EEF1A1: variants seen among roughly 807,000 people sequenced by gnomAD.
EEF1A1 encodes the protein eukaryotic translation elongation factor 1 alpha 1.
Under a neutral mutation model 38.5 loss-of-function variants are expected in EEF1A1, and 1 was observed. The ratio of observed to expected loss-of-function variants is 0.03; its 90% CI spans 0.01 to 0.12. The LOEUF (loss-of-function observed/expected upper bound fraction) is 0.12. EEF1A1 is among the 10% of genes least tolerant of loss of function. EEF1A1 has a pLI of 1.00. For missense variants in EEF1A1, 184 were observed against 588.3 expected (o/e 0.31, Z 7.11); for synonymous variants, 229 against 203.7 (o/e 1.12, Z -1.06).
intron 2 of EEF1A1, 26 bp downstream of exon 2, chr6:73,519,857 C>T (rs2150052035): frequency 6.2e-7 from 1 of 1,611,566 alleles, no homozygotes; most frequent in African/African-American, 1.3e-5. Context: ...TTTAGTTGAT[C>T]TTTCCCTTTC....
Position 73,520,040 on chromosome 6 carries a change from G to T in EEF1A1, c.-14C>A. On this transcript the variant is annotated 5_prime_UTR_variant, in exon 2 of 8. Transcript: ENST00000309268. ...TTCCTTTCCCATTTTGGCTTTTAGG[G>T]GTAGTTTTCACGACACCTGAAATGG... 2 of 1,587,416 alleles carry T rather than the reference G, an allele frequency of 1.3e-6. No individual in the cohort carries two copies.
intron 1 of EEF1A1, chr6:73,520,482 G>C (rs907884896): frequency 6.4e-6 from 1 of 155,298 alleles, no homozygotes; most frequent in African/African-American, 2.4e-5. Flanking sequence ...GCCCAGGGCG[G>C]GGCGATACAC....
At chr6:73,519,854 G>T (rs768629175) in intron 2 of EEF1A1, 29 bp downstream of exon 2, 1 of 1,611,114 alleles carries the variant, frequency 6.2e-7, no homozygotes, top group African/African-American at 1.3e-5. Context: ...CATTTTAGTT[G>T]ATCTTTCCCT....
At chr6:73,518,298 A>T (rs1174668167) in intron 6 of EEF1A1, 34 bp from the exon 7 acceptor site, 1 of 1,610,992 alleles carries the variant, frequency 6.2e-7, no homozygotes, top group South Asian at 1.1e-5. Context: ...GTGCAAATCC[A>T]AAGTCTCAAA....
intron 2 of EEF1A1, 41 bp downstream of exon 2, chr6:73,519,827 ATTCTGCTGGTAAAAC>A: frequency 6.2e-7 from 1 of 1,605,874 alleles, no homozygotes; most frequent in South Asian, 1.1e-5. Context: ...TCACCTAATG[ATTCTGCTGGTAAAAC>A]TCATTTTAGT....
rs577690988 is a variant in EEF1A1 at position 73,518,549 on chromosome 6, G to A, written c.834C>T (p.Val278=). ...ETGVLKPGMV[V]TFAPVNVTTE... is the part of the protein sequence containing the mutation. The stretch of plus-strand genomic sequence containing the variant: ...TTGTAACGTTGACTGGAGCAAAGGT[G>A]ACCACCATACCGGGTTTGAGAACAC... The change falls in exon 6 of 8, where the codon GTC becomes GTT. Residue 278 remains valine, a synonymous_variant. Coordinates refer to ENST00000309268, the MANE Select transcript of EEF1A1 (RefSeq NM_001402.6). 5.0e-6 allele frequency: 8 copies of A among 1,613,864 alleles called. No individual in the cohort carries two copies. The highest frequency in any genetic ancestry group is 1.6e-4 in the Middle Eastern group (1 of 6,062).
chr6:73,518,706 T>C lies in EEF1A1; in HGVS notation c.764A>G (p.Lys255Arg), dbSNP rs749141367. 16 of 1,614,026 alleles carry C rather than the reference T, an allele frequency of 9.9e-6. No individual in the cohort carries two copies. The highest frequency in any genetic ancestry group is 1.4e-5 in the Non-Finnish European group (16 of 1,179,942). Reference sequence around the variant, plus strand: ...GTTTACAGCCAACTTACCACCAATTTTGTAGACATCCTGGAGAGGCAGGCG... The same window carrying C: ...GTTTACAGCCAACTTACCACCAATTCTGTAGACATCCTGGAGAGGCAGGCG... ...PLRLPLQDVY[K>R]IGGIGTVPVG... The change falls in exon 5 of 8, where the codon AAA becomes AGA. Residue 255 changes from lysine to arginine, a missense_variant. Lys to Arg is a conservative substitution (Grantham distance 26). Coordinates refer to ENST00000309268, the MANE Select transcript of EEF1A1 (RefSeq NM_001402.6).
At position 73,517,801 on chromosome 6, in the gene EEF1A1, G is replaced by C. The variant is rs1391862277; in HGVS notation, c.*9C>G. ...TTAAGAGTGGGGTGGCAGGTATTAG[G>C]GATAATATTCATTTAGCCTTCTGAG... On this transcript the variant is annotated 3_prime_UTR_variant, in exon 8 of 8. Coordinates refer to ENST00000309268, the MANE Select transcript of EEF1A1 (RefSeq NM_001402.6). 6.8e-7 allele frequency: 1 copy of C among 1,470,100 alleles called. No homozygotes were observed. Among genetic ancestry groups the C allele is most frequent in the Non-Finnish European group, 9.4e-7 (1 of 1,063,188 alleles). The allele number at this position is 1,470,100 out of a possible 1,614,324, so 91.1% of individuals were successfully genotyped here. A position where few individuals can be genotyped will look rare whatever the true frequency, so the allele number is the denominator to read the frequency against.
At position 73,518,340 on chromosome 6, in the gene EEF1A1, C is replaced by T. The variant is rs774621081; in HGVS notation, c.1029+14G>A. The T allele has an allele frequency of 8.7e-6, 14 of 1,612,464 alleles. No homozygotes were observed. The highest frequency in any genetic ancestry group is 1.1e-5 in the Non-Finnish European group (13 of 1,179,130). On this transcript the variant is annotated intron_variant, in intron 6 of 7. Coordinates refer to ENST00000309268, the MANE Select transcript of EEF1A1 (RefSeq NM_001402.6). ...TAGCCTCTGCAATAAGTTAATGTTACTTTAAATTGTTACCTGAGCAGTGAA... is the reference window on the plus strand; with the variant it reads ...TAGCCTCTGCAATAAGTTAATGTTATTTTAAATTGTTACCTGAGCAGTGAA...
chr6:73,516,051 T>TA lies in EEF1A1; in HGVS notation c.*1758dup, dbSNP rs1491092085. On this transcript the variant is annotated 3_prime_UTR_variant, in exon 8 of 8. Transcript: ENST00000309268. ...GTTTTTTCTGTCATCCAGCAAATCTTAGACTATTTACTTGTGTAAACATTA... is the reference window on the plus strand; with the variant it reads ...GTTTTTTCTGTCATCCAGCAAATCTTAAGACTATTTACTTGTGTAAACATTA... 3.3e-5 allele frequency: 5 copies of TA among 152,206 alleles called. No homozygotes were observed. The highest frequency in any genetic ancestry group is 1.9e-4 in the East Asian group (1 of 5,204). The allele number at this position is 152,206 out of a possible 1,614,324, so 9.4% of individuals were successfully genotyped here.
intron 2 of EEF1A1, 34 bp downstream of exon 2, chr6:73,519,849 T>G: frequency 5.0e-6 from 8 of 1,611,296 alleles, no homozygotes; most frequent in Non-Finnish European, 6.8e-6. Flanking sequence ...AAACTCATTT[T>G]AGTTGATCTT....
chr6:73,516,550 C>G lies in EEF1A1; in HGVS notation c.*1260G>C, dbSNP rs1223302078. ...GGAGGAGATTGCAGTGAGATTTTGC[C>G]ATTGCATTCTAGCCTGGGCAACAAG... On this transcript the variant is annotated 3_prime_UTR_variant, in exon 8 of 8. Coordinates refer to ENST00000309268, the MANE Select transcript of EEF1A1 (RefSeq NM_001402.6). 8 of 151,954 alleles carry G rather than the reference C, an allele frequency of 5.3e-5. No individual in the cohort carries two copies. Among genetic ancestry groups the G allele is most frequent in the Admixed American group, 4.6e-4 (7 of 15,242 alleles). 9.4% of individuals were successfully genotyped at this position (151,954 alleles called of 1,614,324 possible). A position where few individuals can be genotyped will look rare whatever the true frequency, so the allele number is the denominator to read the frequency against.
chr6:73,518,106 A>G lies in EEF1A1; in HGVS notation c.1188T>C (p.Ser396=), dbSNP rs201583180. 1,572 of 1,600,624 alleles carry G rather than the reference A, an allele frequency of 9.8e-4. 5 individuals carry two copies. The African/African-American group carries it at 0.018, about 19-fold the overall frequency. The part of the protein sequence containing the change: ...KLEDGPKFLK[S]GDAAIVDMVP... ...CCATATCAACAATGGCAGCATCACCAGACTTCAAGAATTTAGGGCCATCTT... is the reference window on the plus strand; with the variant it reads ...CCATATCAACAATGGCAGCATCACCGGACTTCAAGAATTTAGGGCCATCTT... Residue 396 remains serine (S), a synonymous_variant, in exon 7 of 8, where the codon TCT becomes TCC. Transcript: ENST00000309268.
At position 73,517,398 on chromosome 6, in the gene EEF1A1, C is replaced by T. The variant is rs1765547727; in HGVS notation, c.*412G>A. On this transcript the variant is annotated 3_prime_UTR_variant, in exon 8 of 8. Coordinates refer to ENST00000309268, the MANE Select transcript of EEF1A1 (RefSeq NM_001402.6). ...TATGTGGGGGGAAAACAACCCTATT[C>T]TCCACCCAGAAGTGTTAACTCAAGA... The T allele has an allele frequency of 2.4e-5, 4 of 167,000 alleles. No individual in the cohort carries two copies. In the South Asian group the frequency reaches 6.4e-4, roughly 27 times the overall value. 10.3% of individuals were successfully genotyped at this position (167,000 alleles called of 1,614,324 possible).
chr6:73,518,014 A>T lies in EEF1A1; in HGVS notation c.1264+16T>A, dbSNP rs1765565038. 6.2e-7 allele frequency: 1 copy of T among 1,606,606 alleles called. No individual in the cohort carries two copies. The highest frequency in any genetic ancestry group is 8.5e-7 in the Non-Finnish European group (1 of 1,175,550). On this transcript the variant is annotated intron_variant, in intron 7 of 7. Transcript: ENST00000309268. ...TCTTTAACACAACTTTTTTACATTT[A>T]AGTAGTCATCCTTACCCAAAGGTGG... is the stretch of plus-strand genomic sequence containing the variant.
chr6:73,519,998 A>G lies in EEF1A1; in HGVS notation c.29T>C (p.Ile10Thr). 3 of 1,600,430 alleles carry G rather than the reference A, an allele frequency of 1.9e-6. No individual in the cohort carries two copies. The highest frequency in any genetic ancestry group is 1.3e-5 in the African/African-American group (1 of 74,914). ...CGAATCTACGTGTCCAATGACGACAATGTTGATATGAGTCTTTTCCTTTCC... is the reference window on the plus strand; with the variant it reads ...CGAATCTACGTGTCCAATGACGACAGTGTTGATATGAGTCTTTTCCTTTCC... MGKEKTHIN[I>T]VVIGHVDSGK... is the part of the protein sequence containing the mutation. The change falls in exon 2 of 8, where the codon ATT becomes ACT. Residue 10 changes from isoleucine to threonine, a missense_variant. By Grantham distance (89) the Ile-to-Thr change is moderately conservative. This residue lies in a region of EEF1A1 where 57 missense variants were observed against 228.1 expected (regional missense o/e 0.25). Coordinates refer to ENST00000309268, the MANE Select transcript of EEF1A1 (RefSeq NM_001402.6).
At position 73,518,522 on chromosome 6, in the gene EEF1A1, C is replaced by T. The variant is rs773353165; in HGVS notation, c.861G>A (p.Thr287=). 87 of 1,613,782 alleles carry T rather than the reference C, an allele frequency of 5.4e-5. No individual in the cohort carries two copies. Among genetic ancestry groups the T allele is most frequent in the Middle Eastern group, 4.9e-4 (3 of 6,084 alleles). Residue 287 remains threonine (T), a synonymous_variant, in exon 6 of 8, where the codon ACG becomes ACA. Coordinates refer to ENST00000309268, the MANE Select transcript of EEF1A1 (RefSeq NM_001402.6). ...VVTFAPVNVT[T]EVKSVEMHHE... ...GGTGCATTTCGACAGATTTTACTTC[C>T]GTTGTAACGTTGACTGGAGCAAAGG...
At chr6:73,519,280 AGT>A (rs1442329986) in intron 3 of EEF1A1, 52 bp from the exon 4 acceptor site, 1 of 1,606,496 alleles carries the variant, frequency 6.2e-7, no homozygotes, top group South Asian at 1.1e-5. Flanking sequence ...TGACAAAACC[AGT>A]GTACAAAGCA....
rs1261550375 is a variant in EEF1A1 at position 73,516,052 on chromosome 6, AGAC to A, written c.*1755_*1757del. 1 of 152,296 alleles carries A rather than the reference AGAC, an allele frequency of 6.6e-6. No homozygotes were observed. The highest frequency in any genetic ancestry group is 1.9e-4 in the East Asian group (1 of 5,182). The allele number at this position is 152,296 out of a possible 1,614,324, so 9.4% of individuals were successfully genotyped here. On this transcript the variant is annotated 3_prime_UTR_variant, in exon 8 of 8. Transcript: ENST00000309268. Reference sequence around the variant, plus strand: ...TTTTTTCTGTCATCCAGCAAATCTTAGACTATTTACTTGTGTAAACATTAGATA... The same window carrying A: ...TTTTTTCTGTCATCCAGCAAATCTTATATTTACTTGTGTAAACATTAGATA...
Sources: gnomAD v4.1 joint callset for allele counts on GRCh38, gnomAD v4.1.1 for gene constraint, gnomAD v4.1.1 regional missense constraint, MANE v1.5 for transcripts, NCBI Gene and HGNC (gene_info 2026-07-23, HGNC 2026-07-21) for gene names.